Variants in STAC observed in about 807,000 individuals in gnomAD.
The protein encoded by STAC is SH3 and cysteine rich domain.
STAC carries 43 observed loss-of-function variants against 48.8 expected under a neutral mutation model. The observed-to-expected ratio is 0.88, with a 90% confidence interval of 0.69 to 1.14. The LOEUF is 1.14. STAC is among the 50% of genes most tolerant of loss of function. STAC has a pLI of 0.00. For synonymous variants in STAC, 193 were observed against 179.5 expected, an observed-to-expected ratio of 1.07 and a Z score of -0.60; for missense variants, 497 against 504.0, an observed-to-expected ratio of 0.99 and a Z score of 0.13.
chr3:36,438,129 G>A (rs976686484), intron 1 of STAC, among the ~76,000 whole-genome samples: 4 of 151,972 alleles, frequency 2.6e-5, no homozygotes, highest in Admixed American at 2.6e-4. Context: ...TAGAGACAGG[G>A]TTTCTCCATG....
At chr3:36,510,122 C>A (rs570384461) in intron 8 of STAC, among the ~76,000 whole-genome samples, 16 of 152,092 alleles carry the variant, frequency 1.1e-4, no homozygotes, top group East Asian at 7.8e-4. Flanking sequence ...AAGAAAAAAA[C>A]CCCATCAAAA....
chr3:36,496,245 G>A (rs1479282965), intron 6 of STAC, among the ~76,000 whole-genome samples: 1 of 152,182 alleles, frequency 6.6e-6, no homozygotes, highest in Non-Finnish European at 1.5e-5. Context: ...GAAGCTAGGT[G>A]GATTAATTAT....
chr3:36,455,492 A>G (rs1313227334), intron 2 of STAC, among the ~76,000 whole-genome samples: 1 of 152,240 alleles, frequency 6.6e-6, no homozygotes, highest in African/African-American at 2.4e-5. Flanking sequence ...CTTTTGACTC[A>G]TTCTTACTTC....
chr3:36,408,704 G>A (rs1294393546), intron 1 of STAC, among the ~76,000 whole-genome samples: 1 of 152,176 alleles, frequency 6.6e-6, no homozygotes, highest in Admixed American at 6.5e-5. Context: ...TTGACCATGA[G>A]AGAAGCCAGA....
Position 36,483,046 on chromosome 3 carries a change from A to T in STAC, c.443A>T (p.His148Leu), listed in dbSNP as rs1559508579. Reference protein sequence around the residue: ...RCKACKMSIHHKCTDGLAPQR... With the variant: ...RCKACKMSIHLKCTDGLAPQR... ...AAAGCCTGTAAGATGAGCATCCACC[A>T]CAAGTGCACAGATGGCCTGGCACCC... Residue 148 changes from histidine (H) to leucine (L), a missense_variant, in exon 3 of 11, where the codon CAC (histidine) becomes CTC (leucine). Physicochemically the swap from His to Leu is moderately conservative, Grantham distance 99. Coordinates refer to ENST00000273183, the MANE Select transcript of STAC (RefSeq NM_003149.3). 1 of 1,614,098 alleles carries T rather than the reference A, an allele frequency of 6.2e-7. No homozygotes were observed. The highest frequency in any genetic ancestry group is 8.5e-7 in the Non-Finnish European group (1 of 1,180,030).
chr3:36,485,111 T>C lies in STAC; in HGVS notation c.571+53T>C, dbSNP rs1343401562. 2.0e-6 allele frequency: 3 copies of C among 1,474,968 alleles called. No individual in the cohort carries two copies. The African/African-American group carries it at 4.2e-5, about 21-fold the overall frequency. The allele number at this position is 1,474,968 out of a possible 1,614,324, so 91.4% of individuals were successfully genotyped here. A position where few individuals can be genotyped will look rare whatever the true frequency, so the allele number is the denominator to read the frequency against. The stretch of plus-strand genomic sequence containing the variant: ...TGAGTTTGAAGCAGCAAAGTTAACA[T>C]TAATGGCTACTGTCCTCCCATGGCT... On this transcript the variant is annotated intron_variant, in intron 4 of 10. Transcript: ENST00000273183.
chr3:36,417,525 A>G (rs2125641084), intron 1 of STAC, among the ~76,000 whole-genome samples: 1 of 152,370 alleles, frequency 6.6e-6, no homozygotes, highest in African/African-American at 2.4e-5. Flanking sequence ...AACAATGTAA[A>G]TAATAGTCTT....
intron 10 of STAC, among the ~76,000 whole-genome samples, 157 bp from the exon 11 acceptor site, chr3:36,546,034 C>G (rs749621984): frequency 6.6e-6 from 1 of 152,124 alleles, no homozygotes; most frequent in Admixed American, 6.5e-5. Context: ...TTTATCAAAC[C>G]TTTTTCTCAC....
intron 1 of STAC, among the ~76,000 whole-genome samples, chr3:36,404,804 A>T (rs561376600): frequency 6.6e-6 from 1 of 152,114 alleles, no homozygotes. Context: ...GTAAGTTCAC[A>T]GAAATGTTTC....
At chr3:36,426,386 T>A (rs903054762) in intron 1 of STAC, among the ~76,000 whole-genome samples, 7 of 152,374 alleles carry the variant, frequency 4.6e-5, no homozygotes, top group Admixed American at 3.9e-4. Flanking sequence ...GCTGCTCTAA[T>A]TCTCCAAGCA....
chr3:36,535,832 T>C (rs1383673778), intron 10 of STAC, among the ~76,000 whole-genome samples: 3 of 152,226 alleles, frequency 2.0e-5, no homozygotes, highest in Non-Finnish European at 4.4e-5. Context: ...TTGATCATGG[T>C]GAATAAGCTT....
At chr3:36,458,801 C>T (rs78359781) in intron 2 of STAC, among the ~76,000 whole-genome samples, 3 of 152,302 alleles carry the variant, frequency 2.0e-5, no homozygotes, top group Non-Finnish European at 4.4e-5. Context: ...GACTTCAACA[C>T]GTATGTATTT....
intron 2 of STAC, among the ~76,000 whole-genome samples, chr3:36,461,992 C>T (rs750996311): frequency 1.3e-5 from 2 of 151,962 alleles, no homozygotes; most frequent in African/African-American, 4.8e-5. Context: ...ACTTCAATGG[C>T]GTGGGGGCGA....
intron 1 of STAC, among the ~76,000 whole-genome samples, chr3:36,403,862 ACT>A (rs1444038781): frequency 6.6e-6 from 1 of 152,092 alleles, no homozygotes; most frequent in Non-Finnish European, 1.5e-5. Flanking sequence ...CATTTGAATG[ACT>A]CTGAAAAAAA....
intron 2 of STAC, among the ~76,000 whole-genome samples, chr3:36,457,703 A>T (rs1349274754): frequency 6.6e-6 from 1 of 152,232 alleles, no homozygotes; most frequent in Admixed American, 6.5e-5. Flanking sequence ...AGGGATGGCA[A>T]GTCCAGATGT....
chr3:36,468,945 T>C (rs1697252560), intron 2 of STAC, among the ~76,000 whole-genome samples: 2 of 152,156 alleles, frequency 1.3e-5, no homozygotes, highest in African/African-American at 2.4e-5. Flanking sequence ...ATGTAAAATC[T>C]TTTTCCACCC....
chr3:36,424,848 A>G (rs1575189830), intron 1 of STAC, among the ~76,000 whole-genome samples: 1 of 152,204 alleles, frequency 6.6e-6, no homozygotes, highest in South Asian at 2.1e-4. Context: ...GCAAGTATCT[A>G]TCATTCCATA....
intron 1 of STAC, among the ~76,000 whole-genome samples, chr3:36,397,888 A>T (rs996698019): frequency 1.3e-5 from 2 of 151,994 alleles, no homozygotes; most frequent in Non-Finnish European, 2.9e-5. Flanking sequence ...TGCCGATAGG[A>T]TGACTTTTGC....
At chr3:36,494,675 A>G (rs965828452) in intron 6 of STAC, among the ~76,000 whole-genome samples, 1 of 152,200 alleles carries the variant, frequency 6.6e-6, no homozygotes, top group African/African-American at 2.4e-5. Context: ...CACATCTACT[A>G]AAGCTCACCA....
Sources: gnomAD v4.1 joint callset for allele counts (sites outside exome capture counted in the v4.1 genomes callset) on GRCh38, gnomAD v4.1.1 for gene constraint, MANE v1.5 for transcripts, NCBI Gene and HGNC (gene_info 2026-07-23, HGNC 2026-07-21) for gene names.